Variants in EP400 observed in about 807,000 individuals in gnomAD.
The protein encoded by EP400 is E1A binding protein p400.
A neutral mutation model predicts 354.1 loss-of-function variants in EP400; 105 were observed. The observed-to-expected ratio is 0.30, with a 90% CI of 0.25 to 0.35. The LOEUF (loss-of-function observed/expected upper bound fraction) is 0.35. EP400 is among the 10% of genes least tolerant of loss of function. EP400 has a pLI of 1.00. For synonymous variants in EP400, 1,646 were observed against 1,716.9 expected (o/e 0.96, Z 1.02); for missense variants, 3,280 against 4,121.0 (o/e 0.80, Z 5.59).
chr12:132,057,455 T>A (rs1679524110), intron 45 of EP400, among the ~76,000 whole-genome samples: 1 of 152,176 alleles, frequency 6.6e-6, no homozygotes, highest in Admixed American at 6.5e-5. Flanking sequence ...AGAAAACAGA[T>A]GAATGATTGC....
At chr12:131,985,760 C>T (rs1452426453) in intron 5 of EP400, among the ~76,000 whole-genome samples, 4 of 152,210 alleles carry the variant, frequency 2.6e-5, no homozygotes, top group Admixed American at 2.6e-4. Flanking sequence ...AGGCATGTGC[C>T]ACCATGCCCG....
chr12:132,032,090 T>A lies in EP400; in HGVS notation c.5892T>A (p.Asp1964Glu). 2 of 1,614,178 alleles carry A rather than the reference T, an allele frequency of 1.2e-6. No individual in the cohort carries two copies. Among genetic ancestry groups the A allele is most frequent in the Non-Finnish European group, 1.7e-6 (2 of 1,180,002 alleles). ...ACAATGACCTGAATCCAGTGATGGA[T>A]GCCAAAGCTCAGGAGTGGTGCGATA... ...FYDNDLNPVM[D>E]AKAQEWCDRI... Residue 1964 changes from aspartate (D) to glutamate (E), a missense_variant, in exon 30 of 53, where the codon GAT (aspartate) becomes GAA (glutamate). Around this residue, in one of 20 missense-constraint regions of EP400, gnomAD observed 459 missense variants for 496.9 expected, o/e 0.92. Transcript: ENST00000389561.
intron 30 of EP400, among the ~76,000 whole-genome samples, chr12:132,032,388 A>G (rs1402655604): frequency 3.3e-5 from 5 of 152,194 alleles, no homozygotes; most frequent in Non-Finnish European, 2.9e-5. Context: ...TTATCTATCT[A>G]TTCCTTTTAT....
chr12:132,062,884 G>A (rs1468434606), intron 47 of EP400, among the ~76,000 whole-genome samples, 183 bp downstream of exon 47: 3 of 152,196 alleles, frequency 2.0e-5, no homozygotes, highest in Non-Finnish European at 4.4e-5. Context: ...ATAACACTTT[G>A]ATCATGCCTT....
chr12:132,076,930 T>G (rs1479483054), intron 52 of EP400, among the ~76,000 whole-genome samples: 1 of 152,226 alleles, frequency 6.6e-6, no homozygotes, highest in Non-Finnish European at 1.5e-5. Flanking sequence ...GGCCCGCCCT[T>G]GAGCAGAGGC....
At chr12:132,006,563 TC>T (rs1893588397) in intron 14 of EP400, 136 bp from the exon 15 acceptor site, 2 of 1,000,770 alleles carry the variant, frequency 2.0e-6, no homozygotes, top group Non-Finnish European at 2.8e-6. Context: ...AAGCAATTCT[TC>T]CTCTTCCTGT....
intron 16 of EP400, 25 bp from the exon 17 acceptor site, chr12:132,012,984 C>T (rs1251897700): frequency 1.3e-6 from 2 of 1,566,496 alleles, no homozygotes; most frequent in African/African-American, 2.7e-5. Flanking sequence ...TGTGAAGGCA[C>T]TGAGCTGTCC....
At chr12:132,039,373 G>A (rs998581913) in intron 32 of EP400, among the ~76,000 whole-genome samples, 2 of 152,084 alleles carry the variant, frequency 1.3e-5, no homozygotes, top group African/African-American at 4.8e-5. Flanking sequence ...GGAAGGGGAG[G>A]GGGGAGCTGC....
intron 2 of EP400, among the ~76,000 whole-genome samples, chr12:131,972,317 G>A (rs1206914108): frequency 5.3e-5 from 8 of 151,794 alleles, no homozygotes; most frequent in African/African-American, 1.2e-4. Flanking sequence ...CACGCCCGGC[G>A]AATTTTTTGT....
At chr12:132,040,461 C>G (rs1894861573) in intron 32 of EP400, among the ~76,000 whole-genome samples, 2 of 152,210 alleles carry the variant, frequency 1.3e-5, no homozygotes, top group African/African-American at 4.8e-5. Flanking sequence ...ATGGAATCAA[C>G]CCAAGTGTCC....
Position 132,053,449 on chromosome 12 carries a change from A to G in EP400, c.7580A>G (p.Gln2527Arg). The part of the protein sequence containing the change: ...PPQQPPPPLP[Q>R]PQAAGSQPPA... ...CAGCAGCCACCGCCACCGCTGCCACAACCACAGGCAGCGGGCAGCCAGCCG... is the reference window on the plus strand; with the variant it reads ...CAGCAGCCACCGCCACCGCTGCCACGACCACAGGCAGCGGGCAGCCAGCCG... The change falls in exon 43 of 53, where the codon CAA becomes CGA. Residue 2527 changes from glutamine to arginine, a missense_variant. Coordinates refer to ENST00000389561, the MANE Select transcript of EP400 (RefSeq NM_015409.5). 3 of 1,332,246 alleles carry G rather than the reference A, an allele frequency of 2.3e-6. No individual in the cohort carries two copies. The highest frequency in any genetic ancestry group is 2.9e-6 in the Non-Finnish European group (3 of 1,025,894). 82.5% of individuals were successfully genotyped at this position (1,332,246 alleles called of 1,614,324 possible).
At chr12:131,951,846 G>A (rs972419256) in intron 1 of EP400, among the ~76,000 whole-genome samples, 2 of 151,892 alleles carry the variant, frequency 1.3e-5, no homozygotes, top group Non-Finnish European at 2.9e-5. Flanking sequence ...GCATGATCTC[G>A]GCTCACTGCA....
In EP400 at chr12:132,050,081, G is replaced by T. The variant is rs1255211993; in HGVS notation, c.7201-242G>T. 6.6e-6 allele frequency among the ~76,000 whole-genome samples: 1 copy of T among 152,206 alleles called. No homozygotes were observed. The highest frequency in any genetic ancestry group is 1.5e-5 in the Non-Finnish European group (1 of 68,028). ...CTTGGGGTGATTATGGGGCTTACGT[G>T]AGAGAACACCTGGAAAGGATTAGCA... On this transcript the variant is annotated intron_variant, in intron 39 of 52. Coordinates refer to ENST00000389561, the MANE Select transcript of EP400 (RefSeq NM_015409.5). The surrounding 1 kb of genome is among the most constrained non-coding windows in gnomAD (Gnocchi z 4.8).
chr12:132,070,601 A>T lies in EP400; in HGVS notation c.9021+960A>T, dbSNP rs1207930718. Among the ~76,000 whole-genome samples the T allele has an allele frequency of 6.6e-6, 1 of 152,246 alleles. No individual in the cohort carries two copies. Among genetic ancestry groups the T allele is most frequent in the Non-Finnish European group, 1.5e-5 (1 of 68,050 alleles). ...TTAGTTAGCTTAGTTCATACACTACAATCAAAACTGCTGAAAGTTTTTATT... is the reference window on the plus strand; with the variant it reads ...TTAGTTAGCTTAGTTCATACACTACTATCAAAACTGCTGAAAGTTTTTATT... On this transcript the variant is annotated intron_variant, in intron 51 of 52. Coordinates refer to ENST00000389561, the MANE Select transcript of EP400 (RefSeq NM_015409.5). This position sits in a 1 kb window ranked among gnomAD's most constrained non-coding sequence, Gnocchi z 4.1.
In EP400 at chr12:132,038,729, C is replaced by A. The variant is rs1227942154; in HGVS notation, c.6207+633C>A. Among the ~76,000 whole-genome samples the A allele has an allele frequency of 6.6e-6, 1 of 152,180 alleles. No homozygotes were observed. Among genetic ancestry groups the A allele is most frequent in the Non-Finnish European group, 1.5e-5 (1 of 68,036 alleles). ...TGCTGCTGTGTAGACATGTCACAGA[C>A]CCGTCACGGGGCCGCTGTTCCCTCC... is the stretch of plus-strand genomic sequence containing the variant. On this transcript the variant is annotated intron_variant, in intron 32 of 52. Transcript: ENST00000389561. This position sits in a 1 kb window ranked among gnomAD's most constrained non-coding sequence, Gnocchi z 4.2.
rs547750424 is a variant in EP400 at position 131,994,092 on chromosome 12, C to T, written c.2738-775C>T. 2.6e-5 allele frequency among the ~76,000 whole-genome samples: 4 copies of T among 151,826 alleles called. No homozygotes were observed. Among genetic ancestry groups the T allele is most frequent in the South Asian group, 2.1e-4 (1 of 4,820 alleles). On this transcript the variant is annotated intron_variant, in intron 11 of 52. Coordinates refer to ENST00000389561, the MANE Select transcript of EP400 (RefSeq NM_015409.5). This position sits in a 1 kb window ranked among gnomAD's most constrained non-coding sequence, Gnocchi z 4.6. ...GGCCTGTCGTGAGCCACCAGGGTGT[C>T]GAGTACAGTCAGGAAAGGCAGCACC...
At chr12:132,006,603 A>G (rs1893590181) in intron 14 of EP400, 97 bp from the exon 15 acceptor site, 2 of 1,246,818 alleles carry the variant, frequency 1.6e-6, no homozygotes, top group Admixed American at 5.3e-5. Context: ...GTGGCTTTCT[A>G]ATTGGTTTAT....
chr12:131,960,637 C>T lies in EP400; in HGVS notation c.18C>T (p.Gly6=). 1.3e-6 allele frequency: 2 copies of T among 1,590,526 alleles called. No homozygotes were observed. The highest frequency in any genetic ancestry group is 1.7e-6 in the Non-Finnish European group (2 of 1,169,346). ...AGGTGATCATGCACCATGGCACTGG[C>T]CCCCAGAACGTCCAGCATCAGCTGC... The part of the protein sequence containing the change: MHHGT[G]PQNVQHQLQR... The change falls in exon 2 of 53, where the codon GGC becomes GGT. Residue 6 remains glycine, a synonymous_variant. Coordinates refer to ENST00000389561, the MANE Select transcript of EP400 (RefSeq NM_015409.5).
rs140588180 is a variant in EP400 at position 132,052,641 on chromosome 12, C to T, written c.7395-505C>T. Among the ~76,000 whole-genome samples the T allele has an allele frequency of 1.1e-3, 172 of 152,268 alleles. 1 individual carries two copies. Among genetic ancestry groups the T allele is most frequent in the African/African-American group, 3.9e-3 (163 of 41,548 alleles). ...ACTCTAGCGTCTGGGAGCACAGACC[C>T]ATCATTTGATTGATGTTGTCGATTA... On this transcript the variant is annotated intron_variant, in intron 41 of 52. Coordinates refer to ENST00000389561, the MANE Select transcript of EP400 (RefSeq NM_015409.5). This position sits in a 1 kb window ranked among gnomAD's most constrained non-coding sequence, Gnocchi z 4.4.
Sources: allele counts gnomAD v4.1 joint callset (sites outside exome capture counted in the v4.1 genomes callset), GRCh38; gene constraint gnomAD v4.1.1; regional missense constraint gnomAD v4.1.1; non-coding constraint Gnocchi (gnomAD v3.1); transcripts MANE v1.5; gene names NCBI Gene and HGNC (gene_info 2026-07-23, HGNC 2026-07-21).